The following RGS6 variants were observed in gnomAD, a reference collection of about 807,000 sequenced individuals.
The protein encoded by RGS6 is regulator of G protein signaling 6.
Under a neutral mutation model 78.5 loss-of-function variants are expected in RGS6, and 30 were observed. That is an observed-to-expected ratio of 0.38 (90% confidence interval 0.29 to 0.52). RGS6 has a LOEUF of 0.52. RGS6 is among the 20% of genes least tolerant of loss of function. The pLI is 0.85. For synonymous variants in RGS6, 206 were observed against 206.0 expected (o/e 1.00, Z 0.00); for missense variants, 495 against 609.7 (o/e 0.81, Z 1.98).
intron 2 of RGS6, among the ~76,000 whole-genome samples, chr14:72,181,969 A>G (rs1003643596): frequency 6.6e-6 from 1 of 152,238 alleles, no homozygotes; most frequent in African/African-American, 2.4e-5. Flanking sequence ...AAAAAAGGAA[A>G]GGAACATTAC....
intron 2 of RGS6, among the ~76,000 whole-genome samples, chr14:72,302,868 A>G (rs766990422): frequency 6.6e-6 from 1 of 152,126 alleles, no homozygotes. Flanking sequence ...TAATTGAATC[A>G]TGGGGGTGGA....
At chr14:72,351,424 A>G (rs1313855633) in intron 2 of RGS6, among the ~76,000 whole-genome samples, 1 of 152,118 alleles carries the variant, frequency 6.6e-6, no homozygotes, top group Non-Finnish European at 1.5e-5. Context: ...GTCCACTATG[A>G]TCTTTTTTCC....
At chr14:72,059,815 A>G (rs2093802534) in intron 2 of RGS6, among the ~76,000 whole-genome samples, 1 of 152,154 alleles carries the variant, frequency 6.6e-6, no homozygotes, top group Admixed American at 6.5e-5. Context: ...AAAGGTGGCC[A>G]TCTGCAAGCC....
chr14:72,483,486 T>C (rs2096423462), intron 12 of RGS6, among the ~76,000 whole-genome samples: 1 of 152,138 alleles, frequency 6.6e-6, no homozygotes, highest in Non-Finnish European at 1.5e-5. Flanking sequence ...CCCTCAGTGA[T>C]CATGAAATGT....
intron 2 of RGS6, among the ~76,000 whole-genome samples, chr14:72,081,729 T>G (rs889688411): frequency 6.6e-6 from 1 of 152,112 alleles, no homozygotes; most frequent in Non-Finnish European, 1.5e-5. Flanking sequence ...GTCTGAGCCT[T>G]TTTATGCTAA....
chr14:72,584,810 A>G, the RGS6 span, among the ~76,000 whole-genome samples: 770 of 152,324 alleles, frequency 5.1e-3, 11 homozygotes, highest in African/African-American at 0.018. Context: ...ATATTGGATC[A>G]TGGAGTCAGG....
chr14:72,459,104 G>C (rs1395155895), intron 5 of RGS6, among the ~76,000 whole-genome samples: 1 of 152,148 alleles, frequency 6.6e-6, no homozygotes, highest in Non-Finnish European at 1.5e-5. Flanking sequence ...TGATAGCACA[G>C]ACCTTGATCT....
intron 2 of RGS6, among the ~76,000 whole-genome samples, chr14:72,131,189 C>T (rs2096306616): frequency 6.6e-6 from 1 of 152,168 alleles, no homozygotes; most frequent in South Asian, 2.1e-4. Flanking sequence ...CTGGCTTCTC[C>T]AGTGTTCTTT....
Position 72,444,730 on chromosome 14 carries a change from G to A in RGS6, c.185-9798G>A, listed in dbSNP as rs545334647. On this transcript the variant is annotated intron_variant, in intron 3 of 17. Transcript: ENST00000553525. ...GGGGTGCCGTTGTCATATACCCATG[G>A]AGGCCAGCAAGCTGATCTGGCCAAC... Among the ~76,000 whole-genome samples the A allele has an allele frequency of 2.2e-4, 4 of 18,196 alleles. No individual in the cohort carries two copies. The South Asian group carries it at 9.0e-3, about 41-fold the overall frequency. 11.9% of individuals were successfully genotyped at this position (18,196 alleles called of 152,430 possible).
At chr14:72,372,530 G>A (rs1397462374) in intron 3 of RGS6, among the ~76,000 whole-genome samples, 1 of 152,098 alleles carries the variant, frequency 6.6e-6, no homozygotes, top group Non-Finnish European at 1.5e-5. Flanking sequence ...ATCACTGATG[G>A]CATTTGTTGA....
the RGS6 span, among the ~76,000 whole-genome samples, chr14:71,899,953 A>G: frequency 1.3e-5 from 2 of 152,200 alleles, no homozygotes; most frequent in Non-Finnish European, 2.9e-5. Context: ...CCTCTCTTAT[A>G]TCTCAGAGGA....
chr14:72,138,534 A>G (rs891753337), intron 2 of RGS6, among the ~76,000 whole-genome samples: 3 of 142,838 alleles, frequency 2.1e-5, no homozygotes, highest in Non-Finnish European at 4.5e-5. Context: ...TGGAAACTCT[A>G]TATTCCTGTG....
At chr14:72,156,823 A>G (rs2096780083) in intron 2 of RGS6, among the ~76,000 whole-genome samples, 1 of 152,232 alleles carries the variant, frequency 6.6e-6, no homozygotes, top group Non-Finnish European at 1.5e-5. Context: ...GGGCACTGTC[A>G]GGGACAGCCA....
chr14:71,993,175 C>T (rs1176991859), intron 2 of RGS6, among the ~76,000 whole-genome samples: 2 of 152,210 alleles, frequency 1.3e-5, no homozygotes, highest in African/African-American at 4.8e-5. Context: ...GGAGGACTTA[C>T]TCCTGTTGGG....
chr14:72,042,607 G>C (rs2092518326), intron 2 of RGS6, among the ~76,000 whole-genome samples: 1 of 151,552 alleles, frequency 6.6e-6, no homozygotes, highest in South Asian at 2.1e-4. Flanking sequence ...TCTATACACA[G>C]ATCTGTTTGC....
intron 13 of RGS6, among the ~76,000 whole-genome samples, chr14:72,495,695 T>G (rs2096636113): frequency 6.6e-6 from 1 of 152,180 alleles, no homozygotes; most frequent in Admixed American, 6.5e-5. Context: ...TTATGGAAAC[T>G]GAGGCACAGA....
rs151154660 is a variant in RGS6 at position 71,987,119 on chromosome 14, A to G, written c.84+22244A>G. On this transcript the variant is annotated intron_variant, in intron 2 of 17. Coordinates refer to ENST00000553525, the MANE Select transcript of RGS6 (RefSeq NM_001204424.2). ...GACATCTTTGGAGGGCCGTTATTCT[A>G]CTTATCACACTGTCTTAGAAAAGGA... Among the ~76,000 whole-genome samples the G allele has an allele frequency of 4.2e-3, 633 of 152,322 alleles. 8 individuals are homozygous for G. Among genetic ancestry groups the G allele is most frequent in the African/African-American group, 0.014 (598 of 41,572 alleles).
At chr14:72,410,142 A>G (rs1389260959) in intron 3 of RGS6, among the ~76,000 whole-genome samples, 9 of 152,302 alleles carry the variant, frequency 5.9e-5, no homozygotes, top group East Asian at 1.9e-4. Context: ...TCGCCACACC[A>G]ACTTCCACAA....
At chr14:72,548,338 T>C (rs1286736511) in intron 17 of RGS6, among the ~76,000 whole-genome samples, 1 of 132,650 alleles carries the variant, frequency 7.5e-6, no homozygotes, top group Admixed American at 7.6e-5. Context: ...TGTGTGTGTG[T>C]GTGTGCGCGC....
Sources: gnomAD v4.1 joint callset for allele counts (sites outside exome capture counted in the v4.1 genomes callset) on GRCh38, gnomAD v4.1.1 for gene constraint, MANE v1.5 for transcripts, NCBI Gene and HGNC (gene_info 2026-07-23, HGNC 2026-07-21) for gene names.